MAP3K19: variants seen among roughly 807,000 people sequenced by gnomAD.
The protein encoded by MAP3K19 is SPS1/STE20-related protein kinase YSK4.
Under a neutral mutation model 114.4 loss-of-function variants are expected in MAP3K19, and 91 were observed. The ratio of observed to expected loss-of-function variants is 0.80; its 90% confidence interval spans 0.67 to 0.95. MAP3K19 has a LOEUF of 0.95. MAP3K19 is among the 40% of genes least tolerant of loss of function. The pLI is 0.00. For missense variants in MAP3K19, 1,471 were observed against 1,573.2 expected (o/e 0.94, Z 1.10); for synonymous variants, 518 against 530.5 (o/e 0.98, Z 0.32).
chr2:134,979,057 T>C (rs536445505), intron 12 of MAP3K19, among the ~76,000 whole-genome samples: 3 of 152,202 alleles, frequency 2.0e-5, no homozygotes, highest in African/African-American at 4.8e-5. Context: ...TATGCCTGAT[T>C]ATCTCTATTT....
rs55999472 is a variant in MAP3K19 at position 134,986,899 on chromosome 2, T to C, written c.1973A>G (p.Asn658Ser). ...AAACATTTCATAGATTCCAGGTCCA[T>C]TAGCAGTTGAATTGATTTCTTTGAA... ...DMFKEINSTA[N>S]GPGIYEMFGT... Residue 658 changes from asparagine (N) to serine (S), a missense_variant, in exon 10 of 13, where the codon AAT (asparagine) becomes AGT (serine). Physicochemically the swap from Asn to Ser is conservative, Grantham distance 46. Coordinates refer to ENST00000392915, the MANE Select transcript of MAP3K19 (RefSeq NM_025052.5). The C allele has an allele frequency of 4.1e-4, 665 of 1,614,188 alleles. 3 individuals carry two copies. The East Asian group carries it at 0.011, about 28-fold the overall frequency.
chr2:134,980,818 T>C lies in MAP3K19; in HGVS notation c.3920+3A>G. The C allele has an allele frequency of 1.2e-6, 2 of 1,606,640 alleles. No homozygotes were observed. Among genetic ancestry groups the C allele is most frequent in the Non-Finnish European group, 1.7e-6 (2 of 1,173,694 alleles). On this transcript the variant is annotated splice_donor_region_variant and intron_variant, in intron 12 of 12. Coordinates refer to ENST00000392915, the MANE Select transcript of MAP3K19 (RefSeq NM_025052.5). ...CTTCCTCCTCTTGCTTTCAGTTTCT[T>C]ACCTGGTCAGGCACATGCGCACAAA...
chr2:134,996,344 C>G (rs1381255250), intron 8 of MAP3K19, among the ~76,000 whole-genome samples: 2 of 150,676 alleles, frequency 1.3e-5, no homozygotes, highest in Non-Finnish European at 2.9e-5. Flanking sequence ...TGCCCTGGAC[C>G]TGATTATTGT....
chr2:135,038,746 T>C (rs1688583975), intron 2 of MAP3K19, among the ~76,000 whole-genome samples: 2 of 151,778 alleles, frequency 1.3e-5, no homozygotes, highest in South Asian at 4.2e-4. Context: ...TAATCCCAAC[T>C]ACTTGGGAGA....
At chr2:134,969,361 A>G (rs1683699721) in intron 12 of MAP3K19, among the ~76,000 whole-genome samples, 2 of 151,810 alleles carry the variant, frequency 1.3e-5, no homozygotes, top group South Asian at 4.2e-4. Flanking sequence ...GGAGAGGGAG[A>G]CCGTGGGGAG....
chr2:134,987,324 A>G lies in MAP3K19; in HGVS notation c.1548T>C (p.His516=), dbSNP rs147956632. Residue 516 remains histidine (H), a synonymous_variant, in exon 10 of 13, where the codon CAT becomes CAC. Transcript: ENST00000392915. ...CTTGGTGTACAGGTATGTTGACACT[A>G]TGGTTGTTATGAATGGTTCCCTTTC... is the stretch of plus-strand genomic sequence containing the variant. ...QTRKGTIHNN[H]SVNIPVHQEN... 3.1e-6 allele frequency: 5 copies of G among 1,613,982 alleles called. No homozygotes were observed. The highest frequency in any genetic ancestry group is 1.3e-5 in the African/African-American group (1 of 74,864).
intron 1 of MAP3K19, among the ~76,000 whole-genome samples, chr2:135,041,995 T>C (rs555268286): frequency 2.6e-5 from 4 of 152,302 alleles, no homozygotes; most frequent in African/African-American, 7.2e-5. Context: ...ACTCTAGAAA[T>C]AGTACTAGCC....
chr2:135,003,506 CT>C, intron 6 of MAP3K19, among the ~76,000 whole-genome samples: 1 of 151,668 alleles, frequency 6.6e-6, no homozygotes, highest in Non-Finnish European at 1.5e-5. Flanking sequence ...AATTTCTAGT[CT>C]ATAAGATTTG....
chr2:135,007,763 C>A (rs1297581753), intron 5 of MAP3K19, among the ~76,000 whole-genome samples: 1 of 152,180 alleles, frequency 6.6e-6, no homozygotes, highest in African/African-American at 2.4e-5. Context: ...ACTGCTTAAC[C>A]TTCTCTGTAT....
rs201999699 is a variant in MAP3K19, at chr2:134,983,800, T to C, written c.3098A>G (p.Tyr1033Cys). 9 of 1,601,186 alleles carry C rather than the reference T, an allele frequency of 5.6e-6. No homozygotes were observed. The African/African-American group carries it at 8.1e-5, about 14-fold the overall frequency. ...GATGAGAAATTTCTCCTCCCTGTCA[T>C]ATATCCTGAGCCCACTACTATGCCT... is the stretch of plus-strand genomic sequence containing the variant. ...IQRHSSGLRI[Y>C]DREEKFLISN... The change falls in exon 11 of 13, where the codon TAT (tyrosine) becomes TGT (cysteine). Residue 1033 changes from tyrosine to cysteine, a missense_variant. By Grantham distance (194) the Tyr-to-Cys change is radical. Coordinates refer to ENST00000392915, the MANE Select transcript of MAP3K19 (RefSeq NM_025052.5).
intron 1 of MAP3K19, among the ~76,000 whole-genome samples, chr2:135,043,401 G>A (rs1465965445): frequency 6.6e-6 from 1 of 152,150 alleles, no homozygotes; most frequent in African/African-American, 2.4e-5. Context: ...GATCTGGGAT[G>A]AGCCTGGCGA....
chr2:134,999,343 T>A lies in MAP3K19; in HGVS notation c.315-346A>T, dbSNP rs1226558447. On this transcript the variant is annotated intron_variant, in intron 7 of 12. Transcript: ENST00000392915. This position sits in a 1 kb window ranked among gnomAD's most constrained non-coding sequence, Gnocchi z 4.1. Reference sequence around the variant, plus strand: ...ACTAGCCCAGTGTTTCTCAAACTATTTTTGATGAAGAACCAGCATTTAAAT... The same window carrying A: ...ACTAGCCCAGTGTTTCTCAAACTATATTTGATGAAGAACCAGCATTTAAAT... Among the ~76,000 whole-genome samples the A allele has an allele frequency of 6.6e-6, 1 of 152,234 alleles. No homozygotes were observed. The highest frequency in any genetic ancestry group is 6.5e-5 in the Admixed American group (1 of 15,282).
chr2:134,998,888 C>T lies in MAP3K19; in HGVS notation c.424G>A (p.Val142Ile). The change falls in exon 8 of 13, where the codon GTT becomes ATT. Residue 142 changes from valine (V) to isoleucine (I), a missense_variant. Coordinates refer to ENST00000392915, the MANE Select transcript of MAP3K19 (RefSeq NM_025052.5). Reference protein sequence around the residue: ...RKKKLTMRPLVLQKEESSREL... With the variant: ...RKKKLTMRPLILQKEESSREL... ...CTGGAACTTTCCTCTTTTTGCAAAACTAAGGGCCGCATGGTCAGCTTCTTT... is the reference window on the plus strand; with the variant it reads ...CTGGAACTTTCCTCTTTTTGCAAAATTAAGGGCCGCATGGTCAGCTTCTTT... 1.2e-6 allele frequency: 2 copies of T among 1,614,176 alleles called. No individual in the cohort carries two copies. Among genetic ancestry groups the T allele is most frequent in the Non-Finnish European group, 8.5e-7 (1 of 1,180,034 alleles).
At chr2:134,967,607 G>C (rs543676885) in intron 12 of MAP3K19, among the ~76,000 whole-genome samples, 1 of 152,364 alleles carries the variant, frequency 6.6e-6, no homozygotes, top group South Asian at 2.1e-4. Context: ...GACACGTCCA[G>C]TCATAGTACC....
chr2:135,002,899 G>A (rs757462720), intron 6 of MAP3K19, among the ~76,000 whole-genome samples: 7 of 152,130 alleles, frequency 4.6e-5, no homozygotes. Flanking sequence ...TTATGGACTG[G>A]ATGTTCTGAA....
intron 2 of MAP3K19, among the ~76,000 whole-genome samples, chr2:135,036,287 A>G (rs750974706): frequency 1.3e-5 from 2 of 152,144 alleles, no homozygotes; most frequent in Non-Finnish European, 2.9e-5. Context: ...GGTTACTTCA[A>G]AGTACTAATA....
chr2:135,024,408 T>C (rs571019262), intron 4 of MAP3K19, among the ~76,000 whole-genome samples: 3 of 152,360 alleles, frequency 2.0e-5, no homozygotes, highest in Non-Finnish European at 4.4e-5. Flanking sequence ...GATGTGCCCC[T>C]GACCATGCTG....
intron 2 of MAP3K19, among the ~76,000 whole-genome samples, chr2:135,039,491 G>A (rs1320989613): frequency 6.6e-6 from 1 of 152,106 alleles, no homozygotes; most frequent in Non-Finnish European, 1.5e-5. Flanking sequence ...ACTGAGTTTG[G>A]AGAATCACCT....
chr2:135,015,261 C>T (rs1197249071), intron 5 of MAP3K19, among the ~76,000 whole-genome samples: 1 of 152,198 alleles, frequency 6.6e-6, no homozygotes, highest in Admixed American at 6.5e-5. Flanking sequence ...AGTGTTATCA[C>T]ATTGTTGTTT....
Sources: gnomAD v4.1 joint callset for allele counts (sites outside exome capture counted in the v4.1 genomes callset) on GRCh38, gnomAD v4.1.1 for gene constraint, Gnocchi (gnomAD v3.1) non-coding constraint, MANE v1.5 for transcripts, NCBI Gene and HGNC (gene_info 2026-07-23, HGNC 2026-07-21) for gene names.